The following SRRM2 variants were observed in gnomAD, a reference collection of about 807,000 sequenced individuals.
The protein encoded by SRRM2 is serine/arginine repetitive matrix protein 2.
SRRM2 carries 30 observed loss-of-function variants against 213.8 expected under a neutral mutation model. The ratio of observed to expected loss-of-function variants is 0.14; its 90% CI spans 0.10 to 0.19. The LOEUF (loss-of-function observed/expected upper bound fraction) is 0.19, where lower values mean the gene tolerates loss of function less well. Ranked by LOEUF, SRRM2 falls within the 10% of genes least tolerant of loss-of-function variation. SRRM2 has a pLI of 1.00. For synonymous variants in SRRM2, 2,025 were observed against 1,377.7 expected (o/e 1.47, Z -10.40); for missense variants, 4,904 against 3,647.0 (o/e 1.34, Z -8.88).
In SRRM2 at chr16:2,768,271, C is replaced by T. The variant is rs894289000; in HGVS notation, c.7733+10C>T. 3.3e-6 allele frequency: 5 copies of T among 1,527,338 alleles called. No individual in the cohort carries two copies. Among genetic ancestry groups the T allele is most frequent in the East Asian group, 2.3e-5 (1 of 44,164 alleles). 94.6% of individuals were successfully genotyped at this position (1,527,338 alleles called of 1,614,324 possible). On this transcript the variant is annotated intron_variant, in intron 11 of 14. Transcript: ENST00000301740. Reference sequence around the variant, plus strand: ...AGGTGGCACTGAAGAGGTGAGGGAGCTTGACTTTTAGAAATCTTCAGTGGG... The same window carrying T: ...AGGTGGCACTGAAGAGGTGAGGGAGTTTGACTTTTAGAAATCTTCAGTGGG...
rs970907829 is a variant in SRRM2 at position 2,761,722 on chromosome 16, T to C, written c.1194T>C (p.Ser398=). ...CAGTGAACCCCCCATCTGAGGCCTC[T>C]CCAACTCGGGACCGTTCACCACCTA... ...QEPVNPPSEA[S]PTRDRSPPKS... is the part of the protein sequence containing the mutation. Residue 398 remains serine (S), a synonymous_variant, in exon 11 of 15, where the codon TCT becomes TCC. Coordinates refer to ENST00000301740, the MANE Select transcript of SRRM2 (RefSeq NM_016333.4). The C allele has an allele frequency of 1.9e-6, 3 of 1,607,916 alleles. No homozygotes were observed. The highest frequency in any genetic ancestry group is 3.4e-5 in the Admixed American group (2 of 59,394).
Position 2,771,049 on chromosome 16 carries a change from CG to C in SRRM2, c.*183del. On this transcript the variant is annotated 3_prime_UTR_variant, in exon 15 of 15. Coordinates refer to ENST00000301740, the MANE Select transcript of SRRM2 (RefSeq NM_016333.4). ...TTTGTTCCTGTGAAATGTTAATCTC[CG>C]TGAGTTCTTCCTGGTTCATGTGTTC... 1 of 449,692 alleles carries C rather than the reference CG, an allele frequency of 2.2e-6. No homozygotes were observed. Among genetic ancestry groups the C allele is most frequent in the Non-Finnish European group, 3.8e-6 (1 of 260,488 alleles). The allele number at this position is 449,692 out of a possible 1,614,324, so 27.9% of individuals were successfully genotyped here. A position where few individuals can be genotyped will look rare whatever the true frequency, so the allele number is the denominator to read the frequency against.
chr16:2,755,851 G>C (rs1240536938), intron 1 of SRRM2, among the ~76,000 whole-genome samples: 1 of 152,180 alleles, frequency 6.6e-6, no homozygotes, highest in East Asian at 1.9e-4. Context: ...TTTGGACATG[G>C]ACTAGAGGCC....
chr16:2,756,720 T>A, intron 2 of SRRM2, 114 bp downstream of exon 2: 1 of 1,416,796 alleles, frequency 7.1e-7, no homozygotes, highest in African/African-American at 1.4e-5. Flanking sequence ...AGAGTTGTGG[T>A]AGGGGAGGAG....
chr16:2,758,663 A>G, intron 5 of SRRM2, 116 bp downstream of exon 5: 1 of 1,036,892 alleles, frequency 9.6e-7, no homozygotes, highest in Non-Finnish European at 1.5e-6. Context: ...GTCAGGGAGG[A>G]GGGAGTTACC....
At chr16:2,760,715 T>C in intron 10 of SRRM2, 1 of 562,238 alleles carries the variant, frequency 1.8e-6, no homozygotes, top group Admixed American at 3.1e-5. Context: ...TCACTGGATG[T>C]TAGGTTTTAT....
rs777791480 is a variant in SRRM2, at chr16:2,766,595, C to T, written c.6067C>T (p.Pro2023Ser). The T allele has an allele frequency of 1.2e-6, 2 of 1,613,944 alleles. No homozygotes were observed. Among genetic ancestry groups the T allele is most frequent in the Admixed American group, 1.7e-5 (1 of 59,996 alleles). ...VTRRRSRSRT[P>S]PAIRRRSRSR... ...ACGCCGCCGCTCTAGGTCCCGGACA[C>T]CTCCAGCTATTCGGCGCCGCTCTAG... Residue 2023 changes from proline (P) to serine (S), a missense_variant, in exon 11 of 15, where the codon CCT (proline) becomes TCT (serine). Transcript: ENST00000301740. The surrounding 1 kb of genome is among the most constrained non-coding windows in gnomAD (Gnocchi z 7.0).
At chr16:2,758,399 T>G (rs2068222942) in intron 4 of SRRM2, 71 bp from the exon 5 acceptor site, 1 of 1,314,992 alleles carries the variant, frequency 7.6e-7, no homozygotes, top group East Asian at 2.3e-5. Flanking sequence ...TTTTTTAGAC[T>G]CTGTCTTTTA....
chr16:2,759,061 A>T lies in SRRM2; in HGVS notation c.656+14A>T. ...GAAGAAGCACAGGTATGAGGTGGGA[A>T]TACTTGAATGACTGGAGAAGGTTTG... On this transcript the variant is annotated intron_variant, in intron 6 of 14. Coordinates refer to ENST00000301740, the MANE Select transcript of SRRM2 (RefSeq NM_016333.4). 1.2e-6 allele frequency: 2 copies of T among 1,614,192 alleles called. No individual in the cohort carries two copies. Among genetic ancestry groups the T allele is most frequent in the Non-Finnish European group, 1.7e-6 (2 of 1,180,030 alleles).
chr16:2,764,853 G>C lies in SRRM2; in HGVS notation c.4325G>C (p.Gly1442Ala), dbSNP rs1014382645. ...PRTPSRRSRS[G>A]SSPGLRDGSG... ...ACTCCATCAAGGAGAAGCAGGTCTGGGTCTTCTCCAGGACTTAGAGATGGG... is the reference window on the plus strand; with the variant it reads ...ACTCCATCAAGGAGAAGCAGGTCTGCGTCTTCTCCAGGACTTAGAGATGGG... The change falls in exon 11 of 15, where the codon GGG becomes GCG. Residue 1442 changes from glycine (G) to alanine (A), a missense_variant. Physicochemically the swap from Gly to Ala is moderately conservative, Grantham distance 60 (BLOSUM62 0). Coordinates refer to ENST00000301740, the MANE Select transcript of SRRM2 (RefSeq NM_016333.4). 1.5e-5 allele frequency: 24 copies of C among 1,614,012 alleles called. No homozygotes were observed. In the Admixed American group the frequency reaches 2.7e-4, roughly 18 times the overall value.
intron 9 of SRRM2, chr16:2,760,008 GGT>G: frequency 1.8e-6 from 1 of 552,654 alleles, no homozygotes; most frequent in South Asian, 2.1e-5. Context: ...TGGGCTCAGA[GGT>G]GAGTTGTGAA....
intron 1 of SRRM2, among the ~76,000 whole-genome samples, chr16:2,754,231 A>G (rs941590126): frequency 2.0e-5 from 3 of 150,876 alleles, no homozygotes; most frequent in Non-Finnish European, 2.9e-5. Context: ...TAGGTGGCTC[A>G]TTCCCTAAAA....
At position 2,759,258 on chromosome 16, in the gene SRRM2, T is replaced by G. The variant is rs374586831; in HGVS notation, c.689+86T>G. The G allele has an allele frequency of 1.5e-5, 24 of 1,603,718 alleles. No homozygotes were observed. The African/African-American group carries it at 2.4e-4, about 16-fold the overall frequency. ...TGGAGTGAAGCTCAATTCCTTGATC[T>G]TCCTTGTGTCAACACTCCCTCTTTC... is the stretch of plus-strand genomic sequence containing the variant. On this transcript the variant is annotated intron_variant, in intron 7 of 14. Transcript: ENST00000301740.
In SRRM2 at chr16:2,768,993, A is replaced by G. The variant is rs767207617; in HGVS notation, c.7734-4A>G. ...CTCCTTGTGACACTCCTCTCCTCCC[A>G]CAGGGTCCCCAGCCCCACCCCAGCC... On this transcript the variant is annotated splice_polypyrimidine_tract_variant and splice_region_variant and intron_variant, in intron 11 of 14. Coordinates refer to ENST00000301740, the MANE Select transcript of SRRM2 (RefSeq NM_016333.4). 2 of 1,612,502 alleles carry G rather than the reference A, an allele frequency of 1.2e-6. No individual in the cohort carries two copies. The highest frequency in any genetic ancestry group is 2.2e-5 in the East Asian group (1 of 44,842).
chr16:2,756,947 TGG>T (rs2068163112), intron 2 of SRRM2, among the ~76,000 whole-genome samples: 1 of 151,926 alleles, frequency 6.6e-6, no homozygotes, highest in Non-Finnish European at 1.5e-5. Flanking sequence ...GTGTTGTCAT[TGG>T]TAGAAAAGAA....
intron 4 of SRRM2, 89 bp from the exon 5 acceptor site, chr16:2,758,377 TTTTA>T: frequency 8.5e-7 from 1 of 1,177,422 alleles, no homozygotes. Context: ...ATTTTTTTAT[TTTTA>T]TTACTATTTT....
Position 2,760,287 on chromosome 16 carries a change from AT to A in SRRM2, c.834-12del. 6.2e-7 allele frequency: 1 copy of A among 1,610,792 alleles called. No homozygotes were observed. On this transcript the variant is annotated splice_polypyrimidine_tract_variant and intron_variant, in intron 9 of 14. Coordinates refer to ENST00000301740, the MANE Select transcript of SRRM2 (RefSeq NM_016333.4). ...ATTTCCTTCCTCTCCCACGTCCTCA[AT>A]TAACTCCTGCAGGTCTCGAAGTGCT... is the stretch of plus-strand genomic sequence containing the variant.
At position 2,764,828 on chromosome 16, in the gene SRRM2, A is replaced by G. The variant is rs372431630; in HGVS notation, c.4300A>G (p.Thr1434Ala). Residue 1434 changes from threonine (T) to alanine (A), a missense_variant, in exon 11 of 15, where the codon ACT becomes GCT. By Grantham distance (58) the Thr-to-Ala change is moderately conservative (BLOSUM62 0). Transcript: ENST00000301740. ...SPEMKDGLPR[T>A]PSRRSRSGSS... is the part of the protein sequence containing the mutation. ...TGAAATGAAAGATGGTTTACCCAGA[A>G]CTCCATCAAGGAGAAGCAGGTCTGG... The G allele has an allele frequency of 2.4e-5, 38 of 1,614,090 alleles. No homozygotes were observed. The highest frequency in any genetic ancestry group is 1.6e-4 in the Middle Eastern group (1 of 6,062).
Position 2,768,992 on chromosome 16 carries a change from C to G in SRRM2, c.7734-5C>G. 1 of 1,613,006 alleles carries G rather than the reference C, an allele frequency of 6.2e-7. No individual in the cohort carries two copies. The highest frequency in any genetic ancestry group is 8.5e-7 in the Non-Finnish European group (1 of 1,179,464). On this transcript the variant is annotated splice_polypyrimidine_tract_variant and splice_region_variant and intron_variant, in intron 11 of 14. Transcript: ENST00000301740. The stretch of plus-strand genomic sequence containing the variant: ...TCTCCTTGTGACACTCCTCTCCTCC[C>G]ACAGGGTCCCCAGCCCCACCCCAGC...
Sources: gnomAD v4.1 joint callset for allele counts (sites outside exome capture counted in the v4.1 genomes callset) on GRCh38, gnomAD v4.1.1 for gene constraint, Gnocchi (gnomAD v3.1) non-coding constraint, MANE v1.5 for transcripts, NCBI Gene and HGNC (gene_info 2026-07-23, HGNC 2026-07-21) for gene names.